Variants in RBFOX1 observed in about 807,000 individuals in gnomAD.
RBFOX1 encodes the protein RNA binding fox-1 homolog 1.
A neutral mutation model predicts 57.7 loss-of-function variants in RBFOX1; 8 were observed. The observed-to-expected ratio is 0.14, with a 90% CI of 0.08 to 0.25. The LOEUF (loss-of-function observed/expected upper bound fraction) is 0.25. Ranked by LOEUF, RBFOX1 falls within the 10% of genes least tolerant of loss-of-function variation. RBFOX1 has a pLI of 1.00. For missense variants in RBFOX1, 611 were observed against 548.5 expected (o/e 1.11, Z -1.14); for synonymous variants, 326 against 222.4 (o/e 1.47, Z -4.15).
chr16:7,340,825 T>C (rs937366274), intron 4 of RBFOX1, among the ~76,000 whole-genome samples: 2 of 152,224 alleles, frequency 1.3e-5, no homozygotes, highest in African/African-American at 4.8e-5. Flanking sequence ...AGGGACACTG[T>C]CAATCTCTTC....
chr16:5,482,155 T>G (rs535246528), intron 2 of RBFOX1, among the ~76,000 whole-genome samples: 24 of 152,178 alleles, frequency 1.6e-4, no homozygotes, highest in Non-Finnish European at 3.4e-4. Context: ...GAGAATGCTT[T>G]TTTCACTCTC....
At chr16:6,949,782 T>C (rs1446533438) in intron 3 of RBFOX1, among the ~76,000 whole-genome samples, 4 of 149,512 alleles carry the variant, frequency 2.7e-5, no homozygotes, top group African/African-American at 9.7e-5. Flanking sequence ...CTGGGAATTG[T>C]TCATTTTCTT....
chr16:6,890,144 G>A (rs1302104515), intron 3 of RBFOX1, among the ~76,000 whole-genome samples: 7 of 152,194 alleles, frequency 4.6e-5, no homozygotes, highest in Admixed American at 3.3e-4. Flanking sequence ...GTGAAAATGT[G>A]AAAGCCTAAA....
At chr16:6,994,435 C>T (rs947614647) in intron 3 of RBFOX1, among the ~76,000 whole-genome samples, 1 of 152,090 alleles carries the variant, frequency 6.6e-6, no homozygotes, top group African/African-American at 2.4e-5. Flanking sequence ...TTGTAAAAAC[C>T]ACCCCCAGCT....
intron 4 of RBFOX1, among the ~76,000 whole-genome samples, chr16:5,878,078 G>C (rs2057662074): frequency 6.6e-6 from 1 of 152,170 alleles, no homozygotes; most frequent in African/African-American, 2.4e-5. Context: ...TTAGTAATCT[G>C]AAAGCAAGCT....
chr16:7,157,785 A>G (rs1434715876), intron 4 of RBFOX1, among the ~76,000 whole-genome samples: 2 of 152,150 alleles, frequency 1.3e-5, no homozygotes, highest in African/African-American at 2.4e-5. Flanking sequence ...TAGGCAAGAA[A>G]TTGGATTTAC....
At chr16:6,036,481 C>G (rs1176413181) in intron 1 of RBFOX1, among the ~76,000 whole-genome samples, 2 of 151,974 alleles carry the variant, frequency 1.3e-5, no homozygotes, top group Non-Finnish European at 2.9e-5. Flanking sequence ...GGTTTAGTAA[C>G]TTGATGAACC....
chr16:7,611,348 G>T (rs1319503232), intron 10 of RBFOX1, among the ~76,000 whole-genome samples: 1 of 152,136 alleles, frequency 6.6e-6, no homozygotes, highest in African/African-American at 2.4e-5. Flanking sequence ...TACTTTGAGA[G>T]GCCGAGGAGG....
intron 3 of RBFOX1, among the ~76,000 whole-genome samples, chr16:6,982,013 A>C (rs2153591725): frequency 6.6e-6 from 1 of 152,148 alleles, no homozygotes; most frequent in African/African-American, 2.4e-5. Flanking sequence ...ATTTCTTTGA[A>C]CCCTCGTGTT....
intron 4 of RBFOX1, among the ~76,000 whole-genome samples, chr16:7,322,464 C>A (rs1024418611): frequency 5.3e-5 from 8 of 152,352 alleles, no homozygotes; most frequent in Admixed American, 2.6e-4. Context: ...GGGATTTTGA[C>A]TTTGCGCATG....
intron 3 of RBFOX1, among the ~76,000 whole-genome samples, chr16:6,849,957 T>C (rs1475830923): frequency 2.0e-5 from 3 of 152,212 alleles, no homozygotes; most frequent in African/African-American, 7.2e-5. Context: ...CTGGAGACTT[T>C]GTCTTTGAAT....
chr16:5,468,098 T>C (rs2069010212), intron 2 of RBFOX1, among the ~76,000 whole-genome samples: 1 of 152,170 alleles, frequency 6.6e-6, no homozygotes, highest in African/African-American at 2.4e-5. Flanking sequence ...CCCACCCCTC[T>C]TACTGTCCAC....
At chr16:5,960,076 C>T (rs1412169347) in intron 4 of RBFOX1, among the ~76,000 whole-genome samples, 2 of 152,098 alleles carry the variant, frequency 1.3e-5, no homozygotes, top group African/African-American at 2.4e-5. Context: ...TGACATGTGC[C>T]TGTAATCCCA....
chr16:7,128,101 G>A (rs901565386), intron 4 of RBFOX1, among the ~76,000 whole-genome samples: 3 of 152,180 alleles, frequency 2.0e-5, no homozygotes, highest in African/African-American at 7.2e-5. Context: ...GCAGCTCCAG[G>A]CTTACTTTCT....
intron 3 of RBFOX1, among the ~76,000 whole-genome samples, chr16:5,616,805 TC>T (rs1370441133): frequency 1.4e-5 from 2 of 143,792 alleles, no homozygotes; most frequent in Non-Finnish European, 3.0e-5. Flanking sequence ...TCTCCTCTCT[TC>T]CCCCTCCTCC....
chr16:7,140,801 A>G (rs1260747741), intron 4 of RBFOX1, among the ~76,000 whole-genome samples: 1 of 151,980 alleles, frequency 6.6e-6, no homozygotes, highest in African/African-American at 2.4e-5. Context: ...TTTCCTTGGT[A>G]TGCTCATAAT....
Position 6,506,765 on chromosome 16 carries a change from C to T in RBFOX1, c.-63-147838C>T, listed in dbSNP as rs570958051. 2.0e-5 allele frequency among the ~76,000 whole-genome samples: 3 copies of T among 150,554 alleles called. No homozygotes were observed. The Admixed American group carries it at 2.0e-4, about 10-fold the overall frequency. ...AGGTTCAGGTGATTCTCAGGCCTTA[C>T]CCTCCCAAGAAGCTGGGATTACAGG... On this transcript the variant is annotated intron_variant, in intron 2 of 15. Coordinates refer to ENST00000550418, the MANE Select transcript of RBFOX1 (RefSeq NM_018723.4).
chr16:6,096,185 G>C (rs1487170246), intron 1 of RBFOX1, among the ~76,000 whole-genome samples: 1 of 152,136 alleles, frequency 6.6e-6, no homozygotes, highest in African/African-American at 2.4e-5. Context: ...AACCTGATGG[G>C]GAAGGAAATC....
At chr16:7,111,712 A>G (rs1212712906) in intron 4 of RBFOX1, among the ~76,000 whole-genome samples, 1 of 152,076 alleles carries the variant, frequency 6.6e-6, no homozygotes, top group Non-Finnish European at 1.5e-5. Context: ...GGTTAGTCTG[A>G]AAGGACCTGG....
Sources: gnomAD v4.1 joint callset for allele counts (sites outside exome capture counted in the v4.1 genomes callset) on GRCh38, gnomAD v4.1.1 for gene constraint, MANE v1.5 for transcripts, NCBI Gene and HGNC (gene_info 2026-07-23, HGNC 2026-07-21) for gene names.